The following ESD variants were observed in gnomAD, a reference collection of about 807,000 sequenced individuals.
ESD encodes esterase D.
A neutral mutation model predicts 38.1 loss-of-function variants in ESD; 34 were observed. That is an observed-to-expected ratio of 0.89 (90% CI 0.68 to 1.19). The LOEUF is 1.19. Among genes scored for constraint, ESD ranks in the 50% most tolerant of loss-of-function variants. The probability of loss-of-function intolerance (pLI) is 0.00; values close to 1 mark genes in which losing one functional copy is unlikely to be tolerated. For missense variants in ESD, 334 were observed against 327.2 expected (o/e 1.02, Z -0.16); for synonymous variants, 97 against 107.0 (o/e 0.91, Z 0.58).
chr13:46,779,696 TTTG>T (rs895195031), intron 8 of ESD, among the ~76,000 whole-genome samples: 1 of 145,762 alleles, frequency 6.9e-6, no homozygotes, highest in Non-Finnish European at 1.5e-5. Context: ...AGTAGGGTTT[TTTG>T]TTGATTTATA....
intron 2 of ESD, 65 bp from the exon 3 acceptor site, chr13:46,791,485 C>T (rs1363073771): frequency 5.8e-6 from 7 of 1,200,026 alleles, no homozygotes; most frequent in Non-Finnish European, 8.4e-6. Flanking sequence ...TGAAACAAAA[C>T]TAATTGCCTT....
intron 5 of ESD, among the ~76,000 whole-genome samples, chr13:46,783,206 T>TA (rs1445291477): frequency 6.6e-6 from 1 of 151,934 alleles, no homozygotes; most frequent in East Asian, 1.9e-4. Context: ...TCAGCACTTT[T>TA]TAAATTCTCT....
intron 9 of ESD, chr13:46,777,206 A>C (rs1593404402): frequency 3.7e-6 from 1 of 272,090 alleles, no homozygotes; most frequent in East Asian, 6.4e-5. Context: ...CAAGCATTAA[A>C]AATCTTGTTA....
chr13:46,785,370 C>T (rs1025714987), intron 4 of ESD, among the ~76,000 whole-genome samples: 1 of 151,970 alleles, frequency 6.6e-6, no homozygotes, highest in Non-Finnish European at 1.5e-5. Context: ...CATTCATGTG[C>T]AAGTTTCTGT....
chr13:46,774,457 C>A (rs1319763045), intron 9 of ESD, among the ~76,000 whole-genome samples: 1 of 152,104 alleles, frequency 6.6e-6, no homozygotes. Context: ...TAATTAAATT[C>A]TTTGATGAAT....
rs763659971 is a variant in ESD at position 46,782,776 on chromosome 13, T to C, written c.272A>G (p.Lys91Arg). The C allele has an allele frequency of 6.2e-7, 1 of 1,612,156 alleles. No homozygotes were observed. The highest frequency in any genetic ancestry group is 8.5e-7 in the Non-Finnish European group (1 of 1,178,726). The change falls in exon 6 of 10, where the codon AAA becomes AGA. Residue 91 changes from lysine to arginine, a missense_variant. By Grantham distance (26) the Lys-to-Arg change is conservative. Transcript: ENST00000378720. ...AAAGTCCCAGCTCTCATCTTCACCT[T>C]TAATATTGCAGCCACCTATCAAGAA... is the stretch of plus-strand genomic sequence containing the variant. The part of the protein sequence containing the change: ...PDTSPRGCNI[K>R]GEDESWDFGT...
At chr13:46,796,566 C>T (rs1875585111) in intron 1 of ESD, among the ~76,000 whole-genome samples, 1 of 152,196 alleles carries the variant, frequency 6.6e-6, no homozygotes, top group Admixed American at 6.5e-5. Flanking sequence ...ACGACCCGAA[C>T]AGATTTTGTC....
intron 3 of ESD, among the ~76,000 whole-genome samples, chr13:46,789,011 C>T (rs975248767): frequency 6.6e-6 from 1 of 152,144 alleles, no homozygotes; most frequent in Non-Finnish European, 1.5e-5. Context: ...GGTCATGTGA[C>T]TACTGAGCAC....
chr13:46,780,134 T>C (rs1180110677), intron 7 of ESD, 101 bp from the exon 8 acceptor site: 3 of 750,136 alleles, frequency 4.0e-6, no homozygotes, highest in Non-Finnish European at 6.0e-6. Flanking sequence ...TACTTGCAAC[T>C]TGCTTAAAAA....
At chr13:46,774,818 G>A (rs553145855) in intron 9 of ESD, among the ~76,000 whole-genome samples, 1 of 152,236 alleles carries the variant, frequency 6.6e-6, no homozygotes, top group South Asian at 2.1e-4. Flanking sequence ...AACAAGTATT[G>A]AGAGTCTCTG....
chr13:46,792,658 C>G (rs1875438164), intron 2 of ESD, among the ~76,000 whole-genome samples: 1 of 151,884 alleles, frequency 6.6e-6, no homozygotes, highest in South Asian at 2.1e-4. Flanking sequence ...GATATTACAA[C>G]TGTACACAAA....
At chr13:46,786,018 T>G (rs1875183340) in intron 4 of ESD, among the ~76,000 whole-genome samples, 1 of 152,032 alleles carries the variant, frequency 6.6e-6, no homozygotes, top group South Asian at 2.1e-4. Context: ...TTAGCTTCAC[T>G]GGGCCTCATT....
At chr13:46,785,468 A>C (rs887936936) in intron 4 of ESD, among the ~76,000 whole-genome samples, 1 of 152,056 alleles carries the variant, frequency 6.6e-6, no homozygotes, top group African/African-American at 2.4e-5. Flanking sequence ...ACAAATCACT[A>C]CACATGAACT....
intron 8 of ESD, 122 bp from the exon 9 acceptor site, chr13:46,777,745 G>T: frequency 1.4e-6 from 1 of 718,162 alleles, no homozygotes; most frequent in Non-Finnish European, 2.0e-6. Context: ...TCAGAAATAT[G>T]CTTTTAAGTT....
chr13:46,792,746 TATTA>T (rs1363283558), intron 2 of ESD, among the ~76,000 whole-genome samples: 1 of 152,094 alleles, frequency 6.6e-6, no homozygotes, highest in East Asian at 1.9e-4. Flanking sequence ...CATGAGATGT[TATTA>T]GTTACTGAAT....
chr13:46,795,084 T>A (rs1490250852), intron 1 of ESD, among the ~76,000 whole-genome samples: 1 of 152,218 alleles, frequency 6.6e-6, no homozygotes, highest in Non-Finnish European at 1.5e-5. Context: ...ATTCCTCTTT[T>A]CATTGCCTCT....
In ESD at chr13:46,774,967, A is replaced by C. The variant is rs563586699; in HGVS notation, c.768+2489T>G. On this transcript the variant is annotated intron_variant, in intron 9 of 9. Coordinates refer to ENST00000378720, the MANE Select transcript of ESD (RefSeq NM_001984.2). Reference sequence around the variant, plus strand: ...TAAAACAGCCTCTCAATCTTCAAAAAGGTCCTGAGACTTAAGGAGGTAGTA... The same window carrying C: ...TAAAACAGCCTCTCAATCTTCAAAACGGTCCTGAGACTTAAGGAGGTAGTA... Among the ~76,000 whole-genome samples, 5 of 152,300 alleles carry C rather than the reference A, an allele frequency of 3.3e-5. No individual in the cohort carries two copies. In the East Asian group the frequency reaches 9.6e-4, roughly 29 times the overall value.
chr13:46,780,729 G>A (rs918572399), intron 7 of ESD, among the ~76,000 whole-genome samples: 7 of 151,588 alleles, frequency 4.6e-5, no homozygotes, highest in African/African-American at 1.2e-4. Flanking sequence ...ATAATAAAGC[G>A]TACCAAAAAC....
chr13:46,797,615 T>A (rs1273189862), upstream of ESD, among the ~76,000 whole-genome samples: 3 of 152,370 alleles, frequency 2.0e-5, no homozygotes, highest in East Asian at 3.9e-4. Context: ...GTAGCTTGAG[T>A]TAAACAAGAA....
Sources: allele counts gnomAD v4.1 joint callset (sites outside exome capture counted in the v4.1 genomes callset), GRCh38; gene constraint gnomAD v4.1.1; transcripts MANE v1.5; gene names NCBI Gene and HGNC (gene_info 2026-07-23, HGNC 2026-07-21).